Variants in RFTN1 observed in about 807,000 individuals in gnomAD.
RFTN1 encodes raftlin, lipid raft linker 1.
In RFTN1, 26 loss-of-function variants were observed where a neutral mutation model predicts 46.5. The observed-to-expected ratio is 0.56, with a 90% CI of 0.41 to 0.78. The LOEUF (loss-of-function observed/expected upper bound fraction) is 0.78, where lower values mean the gene tolerates loss of function less well. RFTN1 is among the 30% of genes least tolerant of loss of function. The pLI is 0.00. For synonymous variants in RFTN1, 261 were observed against 284.2 expected (o/e 0.92, Z 0.82); for missense variants, 693 against 718.7 (o/e 0.96, Z 0.41).
intron 2 of RFTN1, among the ~76,000 whole-genome samples, chr3:16,472,798 G>A (rs1052148928): frequency 2.6e-5 from 4 of 152,170 alleles, no homozygotes; most frequent in Admixed American, 6.5e-5. Context: ...CAGGAGTGAC[G>A]CCTGAAGCTG....
Position 16,338,398 on chromosome 3 carries a change from CT to C in RFTN1, c.1147-11523del, listed in dbSNP as rs2071065711. On this transcript the variant is annotated intron_variant, in intron 7 of 9. Transcript: ENST00000334133. The surrounding 1 kb of genome is among the most constrained non-coding windows in gnomAD (Gnocchi z 5.3). ...CGTAGCAGGGACAGGCACTGCAGTT[CT>C]GACTGTGGTTAAGCAACACAAAGCT... 6.6e-6 allele frequency among the ~76,000 whole-genome samples: 1 copy of C among 152,222 alleles called. No homozygotes were observed.
rs766785635 is a variant in RFTN1 at position 16,426,616 on chromosome 3, T to C, written c.332+7235A>G. Among the ~76,000 whole-genome samples the C allele has an allele frequency of 1.3e-5, 2 of 151,994 alleles. No homozygotes were observed. Among genetic ancestry groups the C allele is most frequent in the African/African-American group, 2.4e-5 (1 of 41,388 alleles). ...AAAGAAGAGTGAAAAATAATGGACA[T>C]CTATTCTTGTGGCAAATCACTGTTA... On this transcript the variant is annotated intron_variant, in intron 3 of 9. Coordinates refer to ENST00000334133, the MANE Select transcript of RFTN1 (RefSeq NM_015150.2). This position sits in a 1 kb window ranked among gnomAD's most constrained non-coding sequence, Gnocchi z 5.9.
chr3:16,333,674 T>C (rs548714498), intron 7 of RFTN1, among the ~76,000 whole-genome samples: 5 of 152,162 alleles, frequency 3.3e-5, no homozygotes, highest in East Asian at 1.9e-4. Flanking sequence ...AAAACTCATA[T>C]GATATAAAAG....
intron 8 of RFTN1, among the ~76,000 whole-genome samples, chr3:16,325,113 G>A (rs2069566099): frequency 6.6e-6 from 1 of 152,166 alleles, no homozygotes; most frequent in South Asian, 2.1e-4. Flanking sequence ...AAAAAGGAGG[G>A]AGAGAACTAA....
intron 6 of RFTN1, among the ~76,000 whole-genome samples, chr3:16,367,393 C>G (rs2073253358): frequency 6.6e-6 from 1 of 152,306 alleles, no homozygotes; most frequent in Non-Finnish European, 1.5e-5. Context: ...AGCATTACTC[C>G]CAGTCATACT....
intron 7 of RFTN1, chr3:16,347,742 T>G (rs2125310313): frequency 6.6e-6 from 1 of 152,368 alleles, no homozygotes; most frequent in African/African-American, 2.4e-5. Context: ...ATATACACAT[T>G]TGCACTGTAA....
chr3:16,398,480 A>C (rs1476895281), intron 4 of RFTN1, among the ~76,000 whole-genome samples: 3 of 152,110 alleles, frequency 2.0e-5, no homozygotes, highest in Non-Finnish European at 4.4e-5. Flanking sequence ...TGTGAGCAAG[A>C]ATGGTTCAGA....
At chr3:16,495,394 G>A (rs978883397) in intron 1 of RFTN1, among the ~76,000 whole-genome samples, 19 of 152,240 alleles carry the variant, frequency 1.2e-4, no homozygotes, top group African/African-American at 4.1e-4. Context: ...GAGCCCAAAG[G>A]CTCGCCAAGT....
Position 16,348,303 on chromosome 3 carries a change from TTATC to T in RFTN1, c.1146+9625_1146+9628del, listed in dbSNP as rs1172097530. On this transcript the variant is annotated intron_variant, in intron 7 of 9. Transcript: ENST00000334133. The surrounding 1 kb of genome is among the most constrained non-coding windows in gnomAD (Gnocchi z 6.3). ...AGAGGCGTCTAGGAGATCACCCACA[TTATC>T]TATTATTGAAGGCATCTAGGAGATC... 3.9e-5 allele frequency among the ~76,000 whole-genome samples: 6 copies of T among 152,034 alleles called. No homozygotes were observed. Among genetic ancestry groups the T allele is most frequent in the Non-Finnish European group, 8.8e-5 (6 of 67,986 alleles).
At chr3:16,430,941 A>T (rs2075373208) in intron 3 of RFTN1, among the ~76,000 whole-genome samples, 1 of 152,224 alleles carries the variant, frequency 6.6e-6, no homozygotes, top group African/African-American at 2.4e-5. Context: ...ACCCCTACTG[A>T]GCCCCCAGCT....
rs545018058 is a variant in RFTN1, at chr3:16,472,918, T to C, written c.145+20807A>G. On this transcript the variant is annotated intron_variant, in intron 2 of 9. Coordinates refer to ENST00000334133, the MANE Select transcript of RFTN1 (RefSeq NM_015150.2). ...TCTTCCAGGGGCTGGCACTACCAGG[T>C]TGACTGGCCCTGGGAGATTTCTTTC... Among the ~76,000 whole-genome samples, 140 of 152,286 alleles carry C rather than the reference T, an allele frequency of 9.2e-4. 1 individual carries two copies. The highest frequency in any genetic ancestry group is 3.4e-3 in the Middle Eastern group (1 of 294).
intron 3 of RFTN1, among the ~76,000 whole-genome samples, chr3:16,432,920 G>A (rs775439444): frequency 2.4e-4 from 36 of 152,144 alleles, no homozygotes; most frequent in Non-Finnish European, 4.4e-4. Flanking sequence ...TCTTAGACAC[G>A]CAACCTCATG....
chr3:16,368,445 G>A (rs1242631178), intron 6 of RFTN1, among the ~76,000 whole-genome samples: 2 of 152,238 alleles, frequency 1.3e-5, no homozygotes, highest in Non-Finnish European at 2.9e-5. Flanking sequence ...GCCAAGGCGG[G>A]TGGATCACGA....
In RFTN1 at chr3:16,424,174, G is replaced by A. The variant is rs976589347; in HGVS notation, c.332+9677C>T. On this transcript the variant is annotated intron_variant, in intron 3 of 9. Transcript: ENST00000334133. This position sits in a 1 kb window ranked among gnomAD's most constrained non-coding sequence, Gnocchi z 4.7. ...GAATTCTCTGAGGATGTTTCTATAA[G>A]CTCTGGGGCCTCTGAGTTGAAAGAT... is the stretch of plus-strand genomic sequence containing the variant. Among the ~76,000 whole-genome samples, 1 of 152,172 alleles carries A rather than the reference G, an allele frequency of 6.6e-6. No individual in the cohort carries two copies. The highest frequency in any genetic ancestry group is 2.4e-5 in the African/African-American group (1 of 41,430).
chr3:16,507,481 C>T lies in RFTN1; in HGVS notation c.-9+5961G>A, dbSNP rs2076825318. Among the ~76,000 whole-genome samples, 1 of 152,182 alleles carries T rather than the reference C, an allele frequency of 6.6e-6. No homozygotes were observed. Among genetic ancestry groups the T allele is most frequent in the African/African-American group, 2.4e-5 (1 of 41,436 alleles). On this transcript the variant is annotated intron_variant, in intron 1 of 9. Coordinates refer to ENST00000334133, the MANE Select transcript of RFTN1 (RefSeq NM_015150.2). The surrounding 1 kb of genome is among the most constrained non-coding windows in gnomAD (Gnocchi z 7.1). ...ATGATTAACCAAATCTCTTACCCAA[C>T]TTTCTGAGTAAAATCTATTACAACA...
rs968187382 is a variant in RFTN1, at chr3:16,402,883, G to C, written c.441+6492C>G. Among the ~76,000 whole-genome samples the C allele has an allele frequency of 6.6e-6, 1 of 152,178 alleles. No individual in the cohort carries two copies. The highest frequency in any genetic ancestry group is 1.5e-5 in the Non-Finnish European group (1 of 68,040). On this transcript the variant is annotated intron_variant, in intron 4 of 9. Coordinates refer to ENST00000334133, the MANE Select transcript of RFTN1 (RefSeq NM_015150.2). The surrounding 1 kb of genome is among the most constrained non-coding windows in gnomAD (Gnocchi z 4.5). The stretch of plus-strand genomic sequence containing the variant: ...AAGGCTCAGTGGGCCAGTGCAAGAT[G>C]AACCTAGTTCTTAAGGAGATCAGGG...
rs963449610 is a variant in RFTN1 at position 16,353,752 on chromosome 3, A to T, written c.1146+4180T>A. Among the ~76,000 whole-genome samples, 1 of 152,014 alleles carries T rather than the reference A, an allele frequency of 6.6e-6. No individual in the cohort carries two copies. Among genetic ancestry groups the T allele is most frequent in the Non-Finnish European group, 1.5e-5 (1 of 68,004 alleles). ...AGAGACACCAGAGTAGCCCCCTCCC[A>T]CCTGTGCGTGCTCAGAGGCAAGGGC... On this transcript the variant is annotated intron_variant, in intron 7 of 9. Transcript: ENST00000334133. This position sits in a 1 kb window ranked among gnomAD's most constrained non-coding sequence, Gnocchi z 5.4.
intron 2 of RFTN1, among the ~76,000 whole-genome samples, chr3:16,482,204 G>A (rs1016659067): frequency 6.6e-6 from 1 of 152,188 alleles, no homozygotes; most frequent in African/African-American, 2.4e-5. Context: ...CTCAGTGCAA[G>A]CTGCGGCTCT....
chr3:16,340,241 A>G (rs2071225966), intron 7 of RFTN1, among the ~76,000 whole-genome samples: 1 of 152,242 alleles, frequency 6.6e-6, no homozygotes, highest in Non-Finnish European at 1.5e-5. Flanking sequence ...GGCCAATAGT[A>G]CATTAACAAA....
Sources: gnomAD v4.1 joint callset for allele counts (sites outside exome capture counted in the v4.1 genomes callset) on GRCh38, gnomAD v4.1.1 for gene constraint, Gnocchi (gnomAD v3.1) non-coding constraint, MANE v1.5 for transcripts, NCBI Gene and HGNC (gene_info 2026-07-23, HGNC 2026-07-21) for gene names.